Variants in ABL2 observed in about 807,000 individuals in gnomAD.
ABL2 encodes the protein tyrosine-protein kinase ABL2.
In ABL2, 49 loss-of-function variants were observed where a neutral mutation model predicts 107.7. That is an observed-to-expected ratio of 0.45 (90% CI 0.36 to 0.58). The LOEUF (loss-of-function observed/expected upper bound fraction) is 0.58, where lower values mean the gene tolerates loss of function less well. Among genes scored for constraint, ABL2 ranks in the 20% least tolerant of loss-of-function variants. The pLI, the probability that ABL2 is intolerant of heterozygous loss-of-function variation, is 0.00. For missense variants in ABL2, 1,245 were observed against 1,457.0 expected, an observed-to-expected ratio of 0.85 and a Z score of 2.37; for synonymous variants, 549 against 548.6, an observed-to-expected ratio of 1.00 and a Z score of -0.01.
chr1:179,160,135 C>T (rs1430239109), intron 1 of ABL2, among the ~76,000 whole-genome samples: 1 of 152,058 alleles, frequency 6.6e-6, no homozygotes, highest in Non-Finnish European at 1.5e-5. Context: ...CAAAAACATA[C>T]ATAACTTGTA....
rs749714413 is a variant in ABL2 at position 179,108,879 on chromosome 1, C to T, written c.2388G>A (p.Arg796=). Residue 796 remains arginine (R), a synonymous_variant, in exon 12 of 12, where the codon AGG becomes AGA. Transcript: ENST00000502732. ...AGTTCCTGGGAAGGGTCATTGCCAT[C>T]CTATCCTGCTCTGGAAGCCCTGAGG... ...SMSSGLPEQD[R]MAMTLPRNCQ... 1 of 1,614,188 alleles carries T rather than the reference C, an allele frequency of 6.2e-7. No individual in the cohort carries two copies.
rs570986363 is a variant in ABL2 at position 179,121,190 on chromosome 1, T to C, written c.960+405A>G. On this transcript the variant is annotated intron_variant, in intron 5 of 11. Transcript: ENST00000502732. The stretch of plus-strand genomic sequence containing the variant: ...TGTTAATATTAAGAAGTGATCTAAC[T>C]GCAAAGAGACAGGAGGAACAAGAAC... 2.6e-5 allele frequency among the ~76,000 whole-genome samples: 4 copies of C among 152,222 alleles called. No homozygotes were observed. The South Asian group carries it at 8.3e-4, about 32-fold the overall frequency.
At chr1:179,183,857 A>AC (rs778069281) in intron 1 of ABL2, 5 of 200,680 alleles carry the variant, frequency 2.5e-5, no homozygotes, top group African/African-American at 4.8e-5. Context: ...CCTAAATGCT[A>AC]GTCTCCACGC....
At position 179,104,771 on chromosome 1, in the gene ABL2, C is replaced by A. The variant is rs964420627; in HGVS notation, c.*2947G>T. On this transcript the variant is annotated 3_prime_UTR_variant, in exon 12 of 12. Coordinates refer to ENST00000502732, the MANE Select transcript of ABL2 (RefSeq NM_007314.4). ...TGAAAGGAATCAAGCAGTGGCAGCC[C>A]AAAGGCATGCATCCAGATATACAGC... The A allele has an allele frequency of 9.2e-6, 2 of 218,224 alleles. No individual in the cohort carries two copies. Among genetic ancestry groups the A allele is most frequent in the African/African-American group, 4.5e-5 (2 of 44,486 alleles). 13.5% of individuals were successfully genotyped at this position (218,224 alleles called of 1,614,324 possible).
In ABL2 at chr1:179,105,289, C is replaced by T. The variant is rs1653395477; in HGVS notation, c.*2429G>A. 1 of 231,054 alleles carries T rather than the reference C, an allele frequency of 4.3e-6. No individual in the cohort carries two copies. The highest frequency in any genetic ancestry group is 2.2e-5 in the African/African-American group (1 of 45,144). The allele number at this position is 231,054 out of a possible 1,614,324, so 14.3% of individuals were successfully genotyped here. On this transcript the variant is annotated 3_prime_UTR_variant, in exon 12 of 12. Transcript: ENST00000502732. ...CTCCAAGGCTTAGTTCCAGAACTCTCAAGGGAAAATAGAGCCCTTGCTTAA... is the reference window on the plus strand; with the variant it reads ...CTCCAAGGCTTAGTTCCAGAACTCTTAAGGGAAAATAGAGCCCTTGCTTAA...
intron 1 of ABL2, among the ~76,000 whole-genome samples, chr1:179,227,810 T>C (rs1663302623): frequency 6.6e-6 from 1 of 152,092 alleles, no homozygotes; most frequent in African/African-American, 2.4e-5. Flanking sequence ...CCCAGCACTT[T>C]GGGAGGCTGT....
In ABL2 at chr1:179,112,412, G is replaced by GA. The variant is rs752442771; in HGVS notation, c.1562-15dup. 4.4e-6 allele frequency: 7 copies of GA among 1,604,926 alleles called. No homozygotes were observed. The highest frequency in any genetic ancestry group is 1.7e-4 in the Middle Eastern group (1 of 6,044). On this transcript the variant is annotated splice_polypyrimidine_tract_variant and intron_variant, in intron 9 of 11. Coordinates refer to ENST00000502732, the MANE Select transcript of ABL2 (RefSeq NM_007314.4). ...TCCACTTCCAGCCTATGTAACAGAAGAAAAAATATTAAAAACTCCTTGCAG... is the reference window on the plus strand; with the variant it reads ...TCCACTTCCAGCCTATGTAACAGAAGAAAAAAATATTAAAAACTCCTTGCAG...
intron 8 of ABL2, 98 bp downstream of exon 8, chr1:179,117,234 T>G (rs753688811): frequency 8.3e-5 from 99 of 1,188,080 alleles, no homozygotes; most frequent in Admixed American, 3.5e-4. Flanking sequence ...CAGGTAAAGG[T>G]AGAGGATACT....
chr1:179,222,664 C>A (rs1662939238), intron 1 of ABL2, among the ~76,000 whole-genome samples: 1 of 152,068 alleles, frequency 6.6e-6, no homozygotes, highest in Admixed American at 6.5e-5. Flanking sequence ...ACTGGGATTA[C>A]CAGCATGAGC....
intron 1 of ABL2, among the ~76,000 whole-genome samples, chr1:179,197,429 C>T (rs1329518877): frequency 6.6e-6 from 1 of 151,900 alleles, no homozygotes; most frequent in Non-Finnish European, 1.5e-5. Flanking sequence ...ACTAAACCTG[C>T]TATGACTTTG....
intron 1 of ABL2, among the ~76,000 whole-genome samples, chr1:179,151,660 A>T (rs2636278): frequency 1.3e-5 from 2 of 152,136 alleles, no homozygotes; most frequent in Middle Eastern, 3.4e-3. Context: ...CTCTTTTTCT[A>T]CATCAGTATT....
In ABL2 at chr1:179,108,666, C is replaced by T. The variant is rs761265068; in HGVS notation, c.2601G>A (p.Gly867=). 21 of 1,614,060 alleles carry T rather than the reference C, an allele frequency of 1.3e-5. No homozygotes were observed. Among genetic ancestry groups the T allele is most frequent in the Middle Eastern group, 1.6e-4 (1 of 6,084 alleles). ...GGTCCTTCTCTGTAATGGCTAGATCCCCAGAGGGTGTTCTGAGAGGAAGAG... is the reference window on the plus strand; with the variant it reads ...GGTCCTTCTCTGTAATGGCTAGATCTCCAGAGGGTGTTCTGAGAGGAAGAG... ...ATALPLRTPS[G]DLAITEKDPP... Residue 867 remains glycine (G), a synonymous_variant, in exon 12 of 12, where the codon GGG becomes GGA. Coordinates refer to ENST00000502732, the MANE Select transcript of ABL2 (RefSeq NM_007314.4).
At chr1:179,200,707 C>T (rs1661619744) in intron 1 of ABL2, among the ~76,000 whole-genome samples, 1 of 152,168 alleles carries the variant, frequency 6.6e-6, no homozygotes, top group Admixed American at 6.5e-5. Flanking sequence ...AGAACACCCT[C>T]AGATTTGATG....
intron 1 of ABL2, among the ~76,000 whole-genome samples, chr1:179,224,329 C>T (rs1486009673): frequency 1.3e-5 from 2 of 151,880 alleles, no homozygotes; most frequent in East Asian, 3.9e-4. Flanking sequence ...TGCAGGTGCG[C>T]GATCTCGGCT....
At chr1:179,194,481 A>T (rs947995781) in intron 1 of ABL2, among the ~76,000 whole-genome samples, 1 of 152,254 alleles carries the variant, frequency 6.6e-6, no homozygotes, top group Non-Finnish European at 1.5e-5. Context: ...TTTACATATC[A>T]TATAATTTCT....
chr1:179,126,693 G>A lies in ABL2; in HGVS notation c.392-21C>T. On this transcript the variant is annotated intron_variant, in intron 3 of 11. Coordinates refer to ENST00000502732, the MANE Select transcript of ABL2 (RefSeq NM_007314.4). This position sits in a 1 kb window ranked among gnomAD's most constrained non-coding sequence, Gnocchi z 4.4. ...TTCACCTAGCCATAAGGTCATCACA[G>A]GATGAAAGAAACGATGTTAAGACTT... is the stretch of plus-strand genomic sequence containing the variant. 1.3e-6 allele frequency: 2 copies of A among 1,589,536 alleles called. No individual in the cohort carries two copies. Among genetic ancestry groups the A allele is most frequent in the Non-Finnish European group, 1.7e-6 (2 of 1,162,566 alleles).
chr1:179,184,409 G>A, intron 1 of ABL2: 2 of 961,348 alleles, frequency 2.1e-6, no homozygotes, highest in Non-Finnish European at 3.2e-6. Flanking sequence ...AAGCCAGCAG[G>A]AAGAGGCAGC....
chr1:179,102,359 G>A lies in ABL2; in HGVS notation c.*5359C>T, dbSNP rs1653169714. ...TGGAAAACCAGAACTCTATCCAAAT[G>A]ATATAGATATCTTGACTGTTAAGAG... On this transcript the variant is annotated 3_prime_UTR_variant, in exon 12 of 12. Coordinates refer to ENST00000502732, the MANE Select transcript of ABL2 (RefSeq NM_007314.4). 1 of 205,160 alleles carries A rather than the reference G, an allele frequency of 4.9e-6. No homozygotes were observed. The highest frequency in any genetic ancestry group is 1.0e-5 in the Non-Finnish European group (1 of 100,216). 12.7% of individuals were successfully genotyped at this position (205,160 alleles called of 1,614,324 possible).
chr1:179,135,274 C>T (rs1191895484), intron 1 of ABL2, among the ~76,000 whole-genome samples: 1 of 150,810 alleles, frequency 6.6e-6, no homozygotes, highest in Non-Finnish European at 1.5e-5. Context: ...GCCATCCCAT[C>T]TAGGAAGTGA....
Sources: gnomAD v4.1 joint callset for allele counts (sites outside exome capture counted in the v4.1 genomes callset) on GRCh38, gnomAD v4.1.1 for gene constraint, Gnocchi (gnomAD v3.1) non-coding constraint, MANE v1.5 for transcripts, NCBI Gene and HGNC (gene_info 2026-07-23, HGNC 2026-07-21) for gene names.